Variants in PPFIBP1 observed in about 807,000 individuals in gnomAD.
PPFIBP1 encodes the protein PPFIB scaffold protein 1, also known as liprin-beta-1.
A neutral mutation model predicts 137.8 loss-of-function variants in PPFIBP1; 112 were observed. The ratio of observed to expected loss-of-function variants is 0.81; its 90% CI spans 0.70 to 0.95. PPFIBP1 has a LOEUF of 0.95. Ranked by LOEUF, PPFIBP1 falls within the 40% of genes least tolerant of loss-of-function variation. The pLI is 0.00. For missense variants in PPFIBP1, 1,083 were observed against 1,196.6 expected, an observed-to-expected ratio of 0.91 and a Z score of 1.40; for synonymous variants, 378 against 417.3, an observed-to-expected ratio of 0.91 and a Z score of 1.15.
chr12:27,532,085 G>A (rs1299099119), intron 1 of PPFIBP1, among the ~76,000 whole-genome samples: 3 of 152,166 alleles, frequency 2.0e-5, no homozygotes, highest in Non-Finnish European at 4.4e-5. Context: ...CTTGGCACAC[G>A]ACATGCACTG....
intron 1 of PPFIBP1, among the ~76,000 whole-genome samples, chr12:27,564,893 C>A (rs549328250): frequency 6.6e-6 from 1 of 152,176 alleles, no homozygotes; most frequent in African/African-American, 2.4e-5. Context: ...TCCCCAGAAC[C>A]CTTTGTCTTC....
chr12:27,580,427 A>T (rs912925739), intron 2 of PPFIBP1, among the ~76,000 whole-genome samples: 1 of 152,330 alleles, frequency 6.6e-6, no homozygotes, highest in Admixed American at 6.5e-5. Context: ...ATCAGCTTCC[A>T]CATCTGTAAA....
At chr12:27,574,811 T>C (rs2050427817) in intron 1 of PPFIBP1, among the ~76,000 whole-genome samples, 1 of 152,228 alleles carries the variant, frequency 6.6e-6, no homozygotes, top group African/African-American at 2.4e-5. Flanking sequence ...CCCCTCTGCC[T>C]TGATTATCTC....
chr12:27,596,601 A>G (rs2053341139), intron 2 of PPFIBP1, among the ~76,000 whole-genome samples: 1 of 152,176 alleles, frequency 6.6e-6, no homozygotes, highest in South Asian at 2.1e-4. Context: ...AACTCACTGC[A>G]GCCTCAAACT....
chr12:27,648,058 G>A, intron 6 of PPFIBP1: 1 of 525,786 alleles, frequency 1.9e-6, no homozygotes, highest in Non-Finnish European at 2.9e-6. Context: ...AATGTCAATA[G>A]GATTGTGGCT....
At chr12:27,600,397 C>G (rs1258109617) in intron 2 of PPFIBP1, among the ~76,000 whole-genome samples, 1 of 150,910 alleles carries the variant, frequency 6.6e-6, no homozygotes, top group Non-Finnish European at 1.5e-5. Context: ...GATCGGGCCA[C>G]TGCACTCCAG....
intron 1 of PPFIBP1, among the ~76,000 whole-genome samples, chr12:27,559,390 A>G (rs2048976772): frequency 6.6e-6 from 1 of 152,012 alleles, no homozygotes; most frequent in African/African-American, 2.4e-5. Context: ...GCTGGTCTCG[A>G]ACTCCTGACC....
chr12:27,543,939 G>A (rs891855765), intron 1 of PPFIBP1, among the ~76,000 whole-genome samples: 2 of 129,528 alleles, frequency 1.5e-5, no homozygotes, highest in Admixed American at 9.4e-5. Context: ...GGAGTGCAGT[G>A]TCGTGATCAT....
intron 3 of PPFIBP1, among the ~76,000 whole-genome samples, chr12:27,633,677 G>A (rs539409696): frequency 3.3e-5 from 5 of 151,884 alleles, no homozygotes; most frequent in Non-Finnish European, 7.4e-5. Context: ...TTCCATCCTA[G>A]GTTTCTAATC....
rs111915739 is a variant in PPFIBP1, at chr12:27,525,475, CTCA to C, written c.-124+1114_-124+1116del. On this transcript the variant is annotated intron_variant, in intron 1 of 29. Transcript: ENST00000228425. ...ACTCCATACACCGATTCAGGACCCT[CTCA>C]TCAGTGCTTTAAGGCTCTCTTTTGG... Among the ~76,000 whole-genome samples the C allele has an allele frequency of 1.3e-4, 19 of 143,752 alleles. 1 individual carries two copies. Among genetic ancestry groups the C allele is most frequent in the Admixed American group, 3.6e-4 (5 of 13,732 alleles). The allele number at this position is 143,752 out of a possible 152,430, so 94.3% of individuals were successfully genotyped here.
intron 9 of PPFIBP1, among the ~76,000 whole-genome samples, chr12:27,657,297 A>G (rs2059264947): frequency 6.6e-6 from 1 of 152,122 alleles, no homozygotes. Flanking sequence ...TCTGAGTATT[A>G]TATGGACCAT....
chr12:27,573,079 A>C (rs1331470764), intron 1 of PPFIBP1, among the ~76,000 whole-genome samples: 1 of 152,202 alleles, frequency 6.6e-6, no homozygotes, highest in East Asian at 1.9e-4. Flanking sequence ...AACACAGCCC[A>C]AGCTTGTGAT....
At chr12:27,618,896 A>T (rs993239030) in intron 2 of PPFIBP1, among the ~76,000 whole-genome samples, 1 of 152,254 alleles carries the variant, frequency 6.6e-6, no homozygotes, top group African/African-American at 2.4e-5. Flanking sequence ...TCGATCTAGT[A>T]GAGACAACAT....
chr12:27,654,444 A>C (rs6487628), intron 7 of PPFIBP1: 226,587 of 247,882 alleles, frequency 0.91, 104,074 homozygotes, highest in South Asian at 0.97. Context: ...CAAATAATAG[A>C]TATTACACTA....
At chr12:27,551,693 T>C (rs1169922539) in intron 1 of PPFIBP1, among the ~76,000 whole-genome samples, 4 of 152,208 alleles carry the variant, frequency 2.6e-5, no homozygotes, top group Non-Finnish European at 1.5e-5. Flanking sequence ...AGCCAAAGTC[T>C]CTGTAACAAC....
At chr12:27,676,792 C>A in intron 18 of PPFIBP1, 193 bp downstream of exon 18, 2 of 694,596 alleles carry the variant, frequency 2.9e-6, no homozygotes, top group South Asian at 1.8e-5. Context: ...TAGACTCTCA[C>A]CCTGCTCTCT....
chr12:27,586,766 A>G (rs1208250592), intron 2 of PPFIBP1, among the ~76,000 whole-genome samples: 1 of 152,162 alleles, frequency 6.6e-6, no homozygotes, highest in Non-Finnish European at 1.5e-5. Context: ...ACAATGCATT[A>G]TATAGTGACT....
intron 13 of PPFIBP1, among the ~76,000 whole-genome samples, chr12:27,671,145 GAAAA>G (rs914635764): frequency 2.7e-5 from 4 of 150,680 alleles, no homozygotes; most frequent in African/African-American, 9.7e-5. Flanking sequence ...TCAAAAAAAA[GAAAA>G]AAAAATTACT....
chr12:27,638,390 G>A (rs2057840960), intron 4 of PPFIBP1, among the ~76,000 whole-genome samples: 1 of 152,160 alleles, frequency 6.6e-6, no homozygotes, highest in South Asian at 2.1e-4. Flanking sequence ...ATTGTATCTA[G>A]GCAGTTTCAA....
Sources: allele counts gnomAD v4.1 joint callset (sites outside exome capture counted in the v4.1 genomes callset), GRCh38; gene constraint gnomAD v4.1.1; transcripts MANE v1.5; gene names NCBI Gene and HGNC (gene_info 2026-07-23, HGNC 2026-07-21).